USP40: variants seen among roughly 807,000 people sequenced by gnomAD.
The protein encoded by USP40 is ubiquitin carboxyl-terminal hydrolase 40.
Under a neutral mutation model 166.2 loss-of-function variants are expected in USP40, and 143 were observed. That is an observed-to-expected ratio of 0.86 (90% CI 0.75 to 0.99). USP40 has a LOEUF of 0.99. Ranked by LOEUF, USP40 falls within the 50% of genes least tolerant of loss-of-function variation. USP40 has a pLI of 0.00. For synonymous variants in USP40, 498 were observed against 524.0 expected, an observed-to-expected ratio of 0.95 and a Z score of 0.68; for missense variants, 1,444 against 1,479.7, an observed-to-expected ratio of 0.98 and a Z score of 0.40.
Position 233,477,061 on chromosome 2 carries a change from C to T in USP40, c.*331G>A, listed in dbSNP as rs1287550149. 8.2e-6 allele frequency: 3 copies of T among 364,294 alleles called. No individual in the cohort carries two copies. Among genetic ancestry groups the T allele is most frequent in the African/African-American group, 2.1e-5 (1 of 47,192 alleles). 22.6% of individuals were successfully genotyped at this position (364,294 alleles called of 1,614,324 possible). A position where few individuals can be genotyped will look rare whatever the true frequency, so the allele number is the denominator to read the frequency against. On this transcript the variant is annotated 3_prime_UTR_variant, in exon 32 of 32. Coordinates refer to ENST00000678225, the MANE Select transcript of USP40 (RefSeq NM_001365479.2). ...GCGGAGCAACGGCATGCCGCTGCCT[C>T]CATACCTGCGGTTCACGCACACGTT...
intron 24 of USP40, among the ~76,000 whole-genome samples, chr2:233,494,171 A>G (rs1049665724): frequency 6.6e-6 from 1 of 152,212 alleles, no homozygotes; most frequent in African/African-American, 2.4e-5. Context: ...AGTTCAAGAA[A>G]TGTGCATTAG....
In USP40 at chr2:233,486,048, T is replaced by C; in HGVS notation, c.3198-71A>G. The C allele has an allele frequency of 6.8e-7, 1 of 1,459,860 alleles. No individual in the cohort carries two copies. Among genetic ancestry groups the C allele is most frequent in the Non-Finnish European group, 9.1e-7 (1 of 1,096,004 alleles). The allele number at this position is 1,459,860 out of a possible 1,614,324, so 90.4% of individuals were successfully genotyped here. Reference sequence around the variant, plus strand: ...AACCACGTGGTAACTTGAGGCATAATGGGCAAAGCTTCTCCTCCAGCTTTT... The same window carrying C: ...AACCACGTGGTAACTTGAGGCATAACGGGCAAAGCTTCTCCTCCAGCTTTT... On this transcript the variant is annotated intron_variant, in intron 28 of 31. Coordinates refer to ENST00000678225, the MANE Select transcript of USP40 (RefSeq NM_001365479.2). This position sits in a 1 kb window ranked among gnomAD's most constrained non-coding sequence, Gnocchi z 4.0.
At chr2:233,523,595 G>T in intron 15 of USP40, 106 bp from the exon 16 acceptor site, 1 of 1,126,120 alleles carries the variant, frequency 8.9e-7, no homozygotes, top group South Asian at 1.8e-5. Context: ...TTTTTTCCAA[G>T]TAAAATAAAA....
chr2:233,494,731 G>A (rs1399939686), intron 24 of USP40, among the ~76,000 whole-genome samples: 1 of 148,256 alleles, frequency 6.7e-6, no homozygotes, highest in Non-Finnish European at 1.5e-5. Flanking sequence ...CAGGCACAGT[G>A]TGCCTGTAGT....
At chr2:233,562,374 AC>A (rs1361095625) in intron 3 of USP40, among the ~76,000 whole-genome samples, 2 of 150,874 alleles carry the variant, frequency 1.3e-5, no homozygotes, top group East Asian at 3.9e-4. Flanking sequence ...ACCATGGAAT[AC>A]TATGCAGCCA....
At chr2:233,511,672 G>A in intron 20 of USP40, 37 bp downstream of exon 20, 1 of 1,539,138 alleles carries the variant, frequency 6.5e-7, no homozygotes, top group South Asian at 1.2e-5. Context: ...GTTATGGAAG[G>A]GTTGATTTTG....
At chr2:233,501,963 T>C (rs1296661334) in intron 21 of USP40, among the ~76,000 whole-genome samples, 2 of 152,120 alleles carry the variant, frequency 1.3e-5, no homozygotes, top group African/African-American at 4.8e-5. Context: ...AAGGAAAACC[T>C]GGAGTTGTGG....
At chr2:233,565,805 T>G (rs1042441690) in intron 1 of USP40, among the ~76,000 whole-genome samples, 1 of 152,124 alleles carries the variant, frequency 6.6e-6, no homozygotes, top group Non-Finnish European at 1.5e-5. Flanking sequence ...ATGTGTAAAA[T>G]AGGATACCAT....
intron 14 of USP40, 103 bp from the exon 15 acceptor site, chr2:233,524,665 A>T: frequency 1.2e-6 from 1 of 829,556 alleles, no homozygotes; most frequent in Non-Finnish European, 1.7e-6. Flanking sequence ...TATTTTCACT[A>T]AGGAAAATTT....
chr2:233,507,651 G>A (rs542627936), intron 21 of USP40, among the ~76,000 whole-genome samples: 4 of 151,460 alleles, frequency 2.6e-5, no homozygotes, highest in Non-Finnish European at 4.4e-5. Context: ...CATCGTAGAA[G>A]CAGAGAGTAA....
At chr2:233,507,925 T>C (rs941683557) in intron 21 of USP40, among the ~76,000 whole-genome samples, 4 of 152,270 alleles carry the variant, frequency 2.6e-5, no homozygotes, top group East Asian at 1.9e-4. Flanking sequence ...CACATATATG[T>C]ACCAGAATAT....
Position 233,496,788 on chromosome 2 carries a change from C to A in USP40, c.2760G>T (p.Leu920Phe). 6.2e-7 allele frequency: 1 copy of A among 1,612,618 alleles called. No individual in the cohort carries two copies. Among genetic ancestry groups the A allele is most frequent in the Non-Finnish European group, 8.5e-7 (1 of 1,179,410 alleles). The change falls in exon 24 of 32, where the codon TTG becomes TTT. Residue 920 changes from leucine (L) to phenylalanine (F), a missense_variant. Transcript: ENST00000678225. ...KELLICSGDT[L>F]LLIEGQLPPL... ...GAGGAAGTTGTCCTTCAATTAAAAGCAAAGTATCTCCAGAACATATCAGAA... is the reference window on the plus strand; with the variant it reads ...GAGGAAGTTGTCCTTCAATTAAAAGAAAAGTATCTCCAGAACATATCAGAA...
rs115602004 is a variant in USP40 at position 233,487,930 on chromosome 2, C to A, written c.3197+309G>T. On this transcript the variant is annotated intron_variant, in intron 28 of 31. Coordinates refer to ENST00000678225, the MANE Select transcript of USP40 (RefSeq NM_001365479.2). Reference sequence around the variant, plus strand: ...AATGATGAATCCGTTGGATGGCAGACTGTCCGAACACACTGACAACAGCTG... The same window carrying A: ...AATGATGAATCCGTTGGATGGCAGAATGTCCGAACACACTGACAACAGCTG... 1,687 of 584,022 alleles carry A rather than the reference C, an allele frequency of 2.9e-3. 6 individuals carry two copies. The highest frequency in any genetic ancestry group is 4.9e-3 in the Non-Finnish European group (1,464 of 300,872). The allele number at this position is 584,022 out of a possible 1,614,324, so 36.2% of individuals were successfully genotyped here. A position where few individuals can be genotyped will look rare whatever the true frequency, so the allele number is the denominator to read the frequency against.
intron 24 of USP40, among the ~76,000 whole-genome samples, chr2:233,494,915 CATAT>C (rs1169787200): frequency 2.8e-3 from 32 of 11,356 alleles, no homozygotes; most frequent in South Asian, 5.2e-3. Context: ...AGCAAAATGG[CATAT>C]ATATATATAT....
chr2:233,525,842 G>C (rs2067986056), intron 13 of USP40, among the ~76,000 whole-genome samples: 2 of 152,124 alleles, frequency 1.3e-5, no homozygotes, highest in South Asian at 2.1e-4. Flanking sequence ...TATATGAAGA[G>C]CACTTTTCTC....
chr2:233,478,074 C>T, intron 31 of USP40, among the ~76,000 whole-genome samples: 1 of 152,268 alleles, frequency 6.6e-6, no homozygotes, highest in East Asian at 1.9e-4. Flanking sequence ...GACAGAAAGC[C>T]TCCGCGGCCC....
rs2064219712 is a variant in USP40 at position 233,477,139 on chromosome 2, T to A, written c.*253A>T. 2 of 495,766 alleles carry A rather than the reference T, an allele frequency of 4.0e-6. No homozygotes were observed. The highest frequency in any genetic ancestry group is 7.4e-6 in the Non-Finnish European group (2 of 270,668). The allele number at this position is 495,766 out of a possible 1,614,324, so 30.7% of individuals were successfully genotyped here. ...AAGGCAGCTGGGGCCGGGTGCTGTGTGAGAGAGCCCAGCACCTACTGGCAG... is the reference window on the plus strand; with the variant it reads ...AAGGCAGCTGGGGCCGGGTGCTGTGAGAGAGAGCCCAGCACCTACTGGCAG... On this transcript the variant is annotated 3_prime_UTR_variant, in exon 32 of 32. Transcript: ENST00000678225.
At position 233,533,616 on chromosome 2, in the gene USP40, G is replaced by C. The variant is rs773921869; in HGVS notation, c.1334C>G (p.Ser445Cys). The C allele has an allele frequency of 6.2e-7, 1 of 1,613,796 alleles. No homozygotes were observed. The highest frequency in any genetic ancestry group is 1.7e-5 in the Admixed American group (1 of 59,996). The stretch of plus-strand genomic sequence containing the variant: ...ATTTATATCAAACCAGTGGGGACAG[G>C]AGATGCTATTGTTTAAACCTGGGGA... ...PESPGLNNSI[S>C]CPHWFDINDS... is the part of the protein sequence containing the mutation. Residue 445 changes from serine to cysteine, a missense_variant, in exon 11 of 32, where the codon TCC (serine) becomes TGC (cysteine). Physicochemically the swap from Ser to Cys is moderately radical, Grantham distance 112 (BLOSUM62 -1). Coordinates refer to ENST00000678225, the MANE Select transcript of USP40 (RefSeq NM_001365479.2).
At chr2:233,487,288 A>G (rs2065006824) in intron 28 of USP40, among the ~76,000 whole-genome samples, 1 of 152,258 alleles carries the variant, frequency 6.6e-6, no homozygotes, top group South Asian at 2.1e-4. Context: ...CAAGATAATC[A>G]TCTTTCATTT....
Sources: gnomAD v4.1 joint callset for allele counts (sites outside exome capture counted in the v4.1 genomes callset) on GRCh38, gnomAD v4.1.1 for gene constraint, Gnocchi (gnomAD v3.1) non-coding constraint, MANE v1.5 for transcripts, NCBI Gene and HGNC (gene_info 2026-07-23, HGNC 2026-07-21) for gene names.